Variants in USP8 observed in about 807,000 individuals in gnomAD.
The protein encoded by USP8 is ubiquitin specific peptidase 8.
Under a neutral mutation model 130.0 loss-of-function variants are expected in USP8, and 27 were observed. That is an observed-to-expected ratio of 0.21 (90% confidence interval 0.15 to 0.29). The LOEUF (loss-of-function observed/expected upper bound fraction) is 0.29, where lower values mean the gene tolerates loss of function less well. Among genes scored for constraint, USP8 ranks in the 10% least tolerant of loss-of-function variants. USP8 has a pLI of 1.00. For missense variants in USP8, 1,029 were observed against 1,312.2 expected, an observed-to-expected ratio of 0.78 and a Z score of 3.33; for synonymous variants, 392 against 444.1, an observed-to-expected ratio of 0.88 and a Z score of 1.48.
At chr15:50,452,469 G>A (rs781706041) in intron 4 of USP8, among the ~76,000 whole-genome samples, 1 of 152,186 alleles carries the variant, frequency 6.6e-6, no homozygotes, top group Non-Finnish European at 1.5e-5. Context: ...AGGGGGTAAG[G>A]TGTGGATAAG....
intron 12 of USP8, among the ~76,000 whole-genome samples, chr15:50,487,949 G>T (rs1206346936): frequency 6.6e-6 from 1 of 152,176 alleles, no homozygotes; most frequent in African/African-American, 2.4e-5. Flanking sequence ...TGAGAGTGAG[G>T]CAAGAGAATC....
At chr15:50,475,748 G>A (rs2051546792) in intron 8 of USP8, among the ~76,000 whole-genome samples, 1 of 151,932 alleles carries the variant, frequency 6.6e-6, no homozygotes, top group South Asian at 2.1e-4. Context: ...GATTATAGGC[G>A]CCTGCCACCA....
chr15:50,494,898 C>A (rs1332054229), intron 16 of USP8, among the ~76,000 whole-genome samples: 1 of 151,982 alleles, frequency 6.6e-6, no homozygotes, highest in Non-Finnish European at 1.5e-5. Context: ...GCCTGTAATC[C>A]CAGCTACTCA....
intron 1 of USP8, among the ~76,000 whole-genome samples, chr15:50,433,114 C>T (rs903363137): frequency 3.3e-5 from 5 of 152,000 alleles, no homozygotes; most frequent in East Asian, 3.9e-4. Context: ...GGTGGCGGGG[C>T]GCCTGTAATC....
intron 1 of USP8, among the ~76,000 whole-genome samples, chr15:50,436,696 A>C (rs2050102708): frequency 6.6e-6 from 1 of 151,892 alleles, no homozygotes; most frequent in Non-Finnish European, 1.5e-5. Flanking sequence ...TTTTTGAGAC[A>C]GTCTTGTTCT....
intron 12 of USP8, among the ~76,000 whole-genome samples, chr15:50,484,908 CATTTCTATGAGGTTTGTAAAGT>C (rs139406034): frequency 0.19 from 28,298 of 152,046 alleles, 2,925 homozygotes; most frequent in East Asian, 0.47. Flanking sequence ...TGAATGATTC[CATTTCTATGAGGTTTGTAAAGT>C]AGGCAAATGT....
intron 5 of USP8, among the ~76,000 whole-genome samples, chr15:50,460,627 C>A (rs1296260048): frequency 6.6e-6 from 1 of 151,900 alleles, no homozygotes; most frequent in Non-Finnish European, 1.5e-5. Flanking sequence ...TTTTTCACAT[C>A]TATTTAGTGA....
intron 1 of USP8, among the ~76,000 whole-genome samples, chr15:50,431,848 G>A (rs1251294278): frequency 6.6e-6 from 1 of 151,932 alleles, no homozygotes; most frequent in South Asian, 2.1e-4. Flanking sequence ...TAGAGACGGG[G>A]TTTCTCCATA....
chr15:50,445,674 A>AC (rs2050412500), intron 3 of USP8, among the ~76,000 whole-genome samples: 1 of 150,970 alleles, frequency 6.6e-6, no homozygotes, highest in African/African-American at 2.4e-5. Flanking sequence ...ACATGGTGAA[A>AC]CCCCATCTCT....
rs184044606 is a variant in USP8, at chr15:50,440,666, G to A, written c.105-683G>A. 7.2e-5 allele frequency among the ~76,000 whole-genome samples: 11 copies of A among 152,178 alleles called. No individual in the cohort carries two copies. In the East Asian group the frequency reaches 2.1e-3, roughly 29 times the overall value. On this transcript the variant is annotated intron_variant, in intron 2 of 19. Coordinates refer to ENST00000307179, the MANE Select transcript of USP8 (RefSeq NM_005154.5). Reference sequence around the variant, plus strand: ...CTGGACCATCACATCTGGGGGTGATGGTCGACAGTGACAGATCATCAGGCC... The same window carrying A: ...CTGGACCATCACATCTGGGGGTGATAGTCGACAGTGACAGATCATCAGGCC...
At chr15:50,493,540 G>T (rs2052260115) in intron 15 of USP8, 1 of 511,898 alleles carries the variant, frequency 2.0e-6, no homozygotes, top group Non-Finnish European at 3.9e-6. Context: ...ATCACTTGGG[G>T]CCCAGGAGTT....
At position 50,501,653 on chromosome 15, in the gene USP8, T is replaced by TATC. The variant is rs2052590737; in HGVS notation, c.*2566_*2568dup. On this transcript the variant is annotated 3_prime_UTR_variant, in exon 20 of 20. Coordinates refer to ENST00000307179, the MANE Select transcript of USP8 (RefSeq NM_005154.5). ...CCCCCATAGGGTACAAAAAATAATG[T>TATC]ATCTCATTTTCCTTTTTCCATGTCT... 6.6e-6 allele frequency: 1 copy of TATC among 152,104 alleles called. No homozygotes were observed. 9.4% of individuals were successfully genotyped at this position (152,104 alleles called of 1,614,324 possible). A position where few individuals can be genotyped will look rare whatever the true frequency, so the allele number is the denominator to read the frequency against.
Position 50,499,407 on chromosome 15 carries a change from C to CTGT in USP8, c.*321_*323dup, listed in dbSNP as rs2052533741. ...TGTTATCTTTTTTTTTTCCTTTTCA[C>CTGT]TGTTATGGCCTTTTCACATTTCTAA... is the stretch of plus-strand genomic sequence containing the variant. On this transcript the variant is annotated 3_prime_UTR_variant, in exon 20 of 20. Transcript: ENST00000307179. 1.6e-5 allele frequency: 3 copies of CTGT among 184,956 alleles called. No homozygotes were observed. Among genetic ancestry groups the CTGT allele is most frequent in the African/African-American group, 7.1e-5 (3 of 42,508 alleles). The allele number at this position is 184,956 out of a possible 1,614,324, so 11.5% of individuals were successfully genotyped here.
intron 6 of USP8, among the ~76,000 whole-genome samples, chr15:50,463,719 G>A (rs933215070): frequency 1.4e-4 from 21 of 152,172 alleles, no homozygotes; most frequent in Non-Finnish European, 2.5e-4. Flanking sequence ...AGAGATGGAA[G>A]GAGGACGATT....
At chr15:50,443,394 G>A (rs2050322505) in intron 3 of USP8, among the ~76,000 whole-genome samples, 1 of 151,992 alleles carries the variant, frequency 6.6e-6, no homozygotes, top group Admixed American at 6.6e-5. Flanking sequence ...GTTAAGGAAT[G>A]ACTTTAATAT....
intron 1 of USP8, among the ~76,000 whole-genome samples, chr15:50,435,281 T>A (rs1373317699): frequency 6.6e-6 from 1 of 152,216 alleles, no homozygotes; most frequent in African/African-American, 2.4e-5. Flanking sequence ...GGGAATATTT[T>A]AAAAAAATAA....
At chr15:50,490,575 G>T (rs1436387959) in intron 14 of USP8, 50 bp downstream of exon 14, 1 of 1,580,200 alleles carries the variant, frequency 6.3e-7, no homozygotes, top group East Asian at 2.2e-5. Flanking sequence ...GTATTTCAAA[G>T]TTTCTACTCT....
chr15:50,470,053 G>A (rs536585137), intron 7 of USP8, among the ~76,000 whole-genome samples: 3 of 152,124 alleles, frequency 2.0e-5, no homozygotes, highest in African/African-American at 7.2e-5. Flanking sequence ...GGCTGGTCTC[G>A]AACTCCTGAC....
chr15:50,467,082 A>G (rs1018214727), intron 7 of USP8: 4 of 556,742 alleles, frequency 7.2e-6, no homozygotes, highest in Non-Finnish European at 1.1e-5. Flanking sequence ...GGTGGAAGTC[A>G]CCATTGGAGA....
Sources: allele counts gnomAD v4.1 joint callset (sites outside exome capture counted in the v4.1 genomes callset), GRCh38; gene constraint gnomAD v4.1.1; transcripts MANE v1.5; gene names NCBI Gene and HGNC (gene_info 2026-07-23, HGNC 2026-07-21).